ELOA: variants seen among roughly 807,000 people sequenced by gnomAD.
ELOA encodes the protein elongin A, also known as elongin-A.
ELOA carries 15 observed loss-of-function variants against 85.2 expected under a neutral mutation model. That is an observed-to-expected ratio of 0.18 (90% CI 0.12 to 0.27). The LOEUF (loss-of-function observed/expected upper bound fraction) is 0.27, where lower values mean the gene tolerates loss of function less well. ELOA is among the 10% of genes least tolerant of loss of function. ELOA has a pLI of 1.00. For synonymous variants in ELOA, 348 were observed against 357.2 expected, an observed-to-expected ratio of 0.97 and a Z score of 0.29; for missense variants, 769 against 952.7, an observed-to-expected ratio of 0.81 and a Z score of 2.54.
chr1:23,755,612 T>C (rs1257401835), intron 7 of ELOA, among the ~76,000 whole-genome samples: 2 of 151,790 alleles, frequency 1.3e-5, no homozygotes. Flanking sequence ...CAAAACCCCA[T>C]CTCTACTGAA....
chr1:23,749,802 A>G, intron 2 of ELOA, 40 bp from the exon 3 acceptor site: 1 of 1,566,516 alleles, frequency 6.4e-7, no homozygotes, highest in Non-Finnish European at 8.8e-7. Context: ...ACGTTAGCCT[A>G]GTTCCAGACC....
chr1:23,757,738 A>G (rs1644801621), intron 10 of ELOA, among the ~76,000 whole-genome samples: 1 of 151,224 alleles, frequency 6.6e-6, no homozygotes, highest in African/African-American at 2.4e-5. Context: ...TGACCTCGCG[A>G]TCTGCCCGCC....
At chr1:23,744,302 A>T (rs1004221336) in intron 1 of ELOA, 1 of 152,318 alleles carries the variant, frequency 6.6e-6, no homozygotes, top group East Asian at 1.9e-4. Flanking sequence ...TGTTCGAGTG[A>T]TGGACAACCA....
At chr1:23,746,011 G>A (rs1290263447) in intron 1 of ELOA, among the ~76,000 whole-genome samples, 1 of 152,126 alleles carries the variant, frequency 6.6e-6, no homozygotes, top group Non-Finnish European at 1.5e-5. Context: ...TCCTTAGGCC[G>A]AGTGCAGTGC....
rs541331533 is a variant in ELOA, at chr1:23,760,561, T to C, written c.*988T>C. 6.6e-6 allele frequency: 1 copy of C among 152,226 alleles called. No homozygotes were observed. Among genetic ancestry groups the C allele is most frequent in the Non-Finnish European group, 1.5e-5 (1 of 68,038 alleles). 9.4% of individuals were successfully genotyped at this position (152,226 alleles called of 1,614,324 possible). ...ACTTTAATCTCTTGTTCTCTGTGAA[T>C]CACTATGAGAAGTGAATGGTTTTAA... On this transcript the variant is annotated 3_prime_UTR_variant, in exon 11 of 11. Coordinates refer to ENST00000613537, the MANE Select transcript of ELOA (RefSeq NM_003198.3).
rs1480923196 is a variant in ELOA, at chr1:23,756,119, C to T, written c.1972+96C>T. 4.0e-6 allele frequency: 6 copies of T among 1,485,910 alleles called. No individual in the cohort carries two copies. In the South Asian group the frequency reaches 6.5e-5, roughly 16 times the overall value. The allele number at this position is 1,485,910 out of a possible 1,614,324, so 92.0% of individuals were successfully genotyped here. A position where few individuals can be genotyped will look rare whatever the true frequency, so the allele number is the denominator to read the frequency against. On this transcript the variant is annotated intron_variant, in intron 8 of 10. Transcript: ENST00000613537. The stretch of plus-strand genomic sequence containing the variant: ...GGCTTGGCTGGTGTAGGACTGCTTG[C>T]CCCTACATCAGGTAGCAGGGTGGGT...
chr1:23,751,275 G>A lies in ELOA; in HGVS notation c.670G>A (p.Ala224Thr). The A allele has an allele frequency of 6.2e-7, 1 of 1,614,214 alleles. No homozygotes were observed. Among genetic ancestry groups the A allele is most frequent in the South Asian group, 1.1e-5 (1 of 91,084 alleles). Residue 224 changes from alanine (A) to threonine (T), a missense_variant, in exon 4 of 11, where the codon GCC becomes ACC. Physicochemically the swap from Ala to Thr is moderately conservative, Grantham distance 58. Around this residue, in one of 4 missense-constraint regions of ELOA, gnomAD observed 440 missense variants for 474.0 expected, o/e 0.93. Transcript: ENST00000613537. ...HSNAFQDRLGASQERHLGEPH... is the reference protein window; with the variant it reads ...HSNAFQDRLGTSQERHLGEPH... ...CAATGCCTTTCAGGACAGACTCGGG[G>A]CCAGCCAAGAACGACACCTGGGTGA...
chr1:23,751,252 A>G lies in ELOA; in HGVS notation c.647A>G (p.Asn216Ser). ...CAGAAGCCTGGGAAAGGCCACAGCA[A>G]TGCCTTTCAGGACAGACTCGGGGCC... is the stretch of plus-strand genomic sequence containing the variant. ...SHQKPGKGHS[N>S]AFQDRLGASQ... The change falls in exon 4 of 11, where the codon AAT becomes AGT. Residue 216 changes from asparagine (N) to serine (S), a missense_variant. Around this residue, in one of 4 missense-constraint regions of ELOA, gnomAD observed 440 missense variants for 474.0 expected, o/e 0.93. Transcript: ENST00000613537. 3 of 1,614,224 alleles carry G rather than the reference A, an allele frequency of 1.9e-6. No individual in the cohort carries two copies. Among genetic ancestry groups the G allele is most frequent in the Non-Finnish European group, 2.5e-6 (3 of 1,180,042 alleles).
Position 23,751,607 on chromosome 1 carries a change from G to A in ELOA, c.1002G>A (p.Glu334=), listed in dbSNP as rs1644771617. Residue 334 remains glutamate (E), a synonymous_variant, in exon 4 of 11, where the codon GAG becomes GAA. Transcript: ENST00000613537. ...HLKKPKHRDP[E]KAKLDKSKQG... ...AAAAGCCAAAGCACAGAGACCCAGA[G>A]AAAGCCAAATTGGACAAAAGCAAGC... The A allele has an allele frequency of 1.2e-6, 2 of 1,614,202 alleles. No homozygotes were observed. Among genetic ancestry groups the A allele is most frequent in the African/African-American group, 2.7e-5 (2 of 75,042 alleles).
At position 23,750,994 on chromosome 1, in the gene ELOA, A is replaced by G. The variant is rs541981310; in HGVS notation, c.389A>G (p.Gln130Arg). 6.8e-6 allele frequency: 11 copies of G among 1,614,084 alleles called. No homozygotes were observed. In the African/African-American group the frequency reaches 1.3e-4, roughly 20 times the overall value. The change falls in exon 4 of 11, where the codon CAG becomes CGG. Residue 130 changes from glutamine (Q) to arginine (R), a missense_variant. Coordinates refer to ENST00000613537, the MANE Select transcript of ELOA (RefSeq NM_003198.3). ...GSRSYSPDHR[Q>R]KKHRKLSELE... ...CGATCCTATAGCCCTGACCACAGGCAGAAGAAACATAGGAAACTCTCGGAG... is the reference window on the plus strand; with the variant it reads ...CGATCCTATAGCCCTGACCACAGGCGGAAGAAACATAGGAAACTCTCGGAG...
intron 3 of ELOA, among the ~76,000 whole-genome samples, chr1:23,750,166 G>GTTT (rs775041135): frequency 4.3e-5 from 4 of 92,582 alleles, no homozygotes; most frequent in Non-Finnish European, 8.7e-5. Flanking sequence ...ATTTTGGTAC[G>GTTT]TTTCTTTTTT....
In ELOA at chr1:23,751,146, C is replaced by T. The variant is rs1277333887; in HGVS notation, c.541C>T (p.Pro181Ser). 1 of 1,614,158 alleles carries T rather than the reference C, an allele frequency of 6.2e-7. No individual in the cohort carries two copies. Residue 181 changes from proline to serine, a missense_variant, in exon 4 of 11, where the codon CCA becomes TCA. Physicochemically the swap from Pro to Ser is moderately conservative, Grantham distance 74. Coordinates refer to ENST00000613537, the MANE Select transcript of ELOA (RefSeq NM_003198.3). ...SSDYGHVQSP[P>S]SCTSPHQMYV... is the part of the protein sequence containing the mutation. ...TGATTATGGCCATGTTCAATCCCCT[C>T]CATCTTGTACCAGTCCTCATCAGAT...
chr1:23,747,763 C>G (rs1467614309), intron 1 of ELOA, among the ~76,000 whole-genome samples: 1 of 152,156 alleles, frequency 6.6e-6, no homozygotes, highest in African/African-American at 2.4e-5. Flanking sequence ...TACTTGATCT[C>G]AAGATTATCA....
In ELOA at chr1:23,751,852, C is replaced by A. The variant is rs1189479515; in HGVS notation, c.1247C>A (p.Pro416His). Residue 416 changes from proline to histidine, a missense_variant, in exon 4 of 11, where the codon CCC becomes CAC. Physicochemically the swap from Pro to His is moderately conservative, Grantham distance 77 (BLOSUM62 -2). Transcript: ENST00000613537. ...SFESYLSYDQPRKKKKKIVKT... is the reference protein window; with the variant it reads ...SFESYLSYDQHRKKKKKIVKT... ...GAATCCTACCTCAGCTATGACCAGC[C>A]CCGGAAGAAAAAGAAAAAGATTGTG... 4 of 1,613,712 alleles carry A rather than the reference C, an allele frequency of 2.5e-6. No homozygotes were observed. In the Admixed American group the frequency reaches 5.0e-5, roughly 20 times the overall value.
intron 10 of ELOA, among the ~76,000 whole-genome samples, chr1:23,758,259 ATTTTTTTTTTT>A (rs1162019928): frequency 2.4e-5 from 1 of 41,956 alleles, no homozygotes; most frequent in South Asian, 1.5e-3. Context: ...TTATTTATTT[ATTTTTTTTTTT>A]TTTTTTTTTT....
chr1:23,756,272 A>T lies in ELOA; in HGVS notation c.1973-2A>T. The T allele has an allele frequency of 6.4e-7, 1 of 1,552,608 alleles. No homozygotes were observed. ...CAGATGTTCATCTCCATAATTCCAC[A>T]GGCCGACAAGCAAAGATGGCCTTTG... On this transcript the variant is annotated splice_acceptor_variant, in intron 8 of 10. Coordinates refer to ENST00000613537, the MANE Select transcript of ELOA (RefSeq NM_003198.3). LOFTEE classifies it high-confidence loss of function.
chr1:23,749,794 G>A lies in ELOA; in HGVS notation c.133-48G>A, dbSNP rs371550756. The A allele has an allele frequency of 4.9e-5, 75 of 1,528,124 alleles. 1 individual carries two copies. The highest frequency in any genetic ancestry group is 4.8e-4 in the South Asian group (41 of 85,486). The allele number at this position is 1,528,124 out of a possible 1,614,324, so 94.7% of individuals were successfully genotyped here. A position where few individuals can be genotyped will look rare whatever the true frequency, so the allele number is the denominator to read the frequency against. Reference sequence around the variant, plus strand: ...GAAAGCCTTATTTCTTTAGAAAAACGTTAGCCTAGTTCCAGACCCCTCTAA... The same window carrying A: ...GAAAGCCTTATTTCTTTAGAAAAACATTAGCCTAGTTCCAGACCCCTCTAA... On this transcript the variant is annotated intron_variant, in intron 2 of 10. Transcript: ENST00000613537.
intron 10 of ELOA, 147 bp downstream of exon 10, chr1:23,757,272 C>T: frequency 1.2e-6 from 1 of 847,206 alleles, no homozygotes; most frequent in Non-Finnish European, 1.7e-6. Context: ...TCAGTCCCTC[C>T]TTCCCCCTGC....
At chr1:23,744,141 C>T (rs953288502) in intron 1 of ELOA, 3 of 152,254 alleles carry the variant, frequency 2.0e-5, no homozygotes, top group Non-Finnish European at 4.4e-5. Context: ...TCAGTGAATC[C>T]CTTTCAAAAC....
Sources: gnomAD v4.1 joint callset for allele counts (sites outside exome capture counted in the v4.1 genomes callset) on GRCh38, gnomAD v4.1.1 for gene constraint, gnomAD v4.1.1 regional missense constraint, MANE v1.5 for transcripts, NCBI Gene and HGNC (gene_info 2026-07-23, HGNC 2026-07-21) for gene names.